Variants in AMACR observed in about 807,000 individuals in gnomAD.
The protein encoded by AMACR is alpha-methylacyl-CoA racemase, also known as 2-methylacyl-CoA racemase.
A neutral mutation model predicts 22.2 loss-of-function variants in AMACR; 18 were observed. That is an observed-to-expected ratio of 0.81 (90% CI 0.56 to 1.20). The LOEUF (loss-of-function observed/expected upper bound fraction) is 1.20, where lower values mean the gene tolerates loss of function less well. Ranked by LOEUF, AMACR falls within the 50% of genes most tolerant of loss-of-function variation. AMACR has a pLI of 0.00. For missense variants in AMACR, 499 were observed against 490.6 expected (o/e 1.02, Z -0.16); for synonymous variants, 213 against 191.3 (o/e 1.11, Z -0.94).
chr5:34,006,600 C>T (rs1018453114), intron 1 of AMACR, among the ~76,000 whole-genome samples: 1 of 152,202 alleles, frequency 6.6e-6, no homozygotes, highest in South Asian at 2.1e-4. Flanking sequence ...ACTCCTCACC[C>T]GGAGGCTATA....
chr5:33,992,851 T>C (rs937471471), intron 4 of AMACR, among the ~76,000 whole-genome samples: 1 of 152,238 alleles, frequency 6.6e-6, no homozygotes, highest in Non-Finnish European at 1.5e-5. Flanking sequence ...TATTGCTTTT[T>C]TTTTTCCTAG....
intron 3 of AMACR, among the ~76,000 whole-genome samples, chr5:34,001,920 T>C (rs1753829410): frequency 6.6e-6 from 1 of 152,218 alleles, no homozygotes; most frequent in Admixed American, 6.5e-5. Context: ...AAACACTTAC[T>C]AGCCCCTAAT....
chr5:34,008,033 G>T lies in AMACR; in HGVS notation c.-14C>A, dbSNP rs774292343. 1 of 1,608,884 alleles carries T rather than the reference G, an allele frequency of 6.2e-7. No individual in the cohort carries two copies. The highest frequency in any genetic ancestry group is 2.2e-5 in the East Asian group (1 of 44,858). On this transcript the variant is annotated 5_prime_UTR_variant, in exon 1 of 5. Transcript: ENST00000335606. ...CTGCAGTGCCATGGCGCTTCCCAGTGCCCCGCTGAAGGAAACTGAGCAGCC... is the reference window on the plus strand; with the variant it reads ...CTGCAGTGCCATGGCGCTTCCCAGTTCCCCGCTGAAGGAAACTGAGCAGCC...
At chr5:33,996,506 C>T (rs779408461) in intron 4 of AMACR, among the ~76,000 whole-genome samples, 21 of 152,212 alleles carry the variant, frequency 1.4e-4, no homozygotes, top group Middle Eastern at 3.4e-3. Flanking sequence ...CATTTAAGGG[C>T]CAGGCGCAGT....
intron 1 of AMACR, 74 bp downstream of exon 1, chr5:34,007,699 A>T (rs1579587237): frequency 6.9e-7 from 1 of 1,458,152 alleles, no homozygotes; most frequent in Non-Finnish European, 9.0e-7. Flanking sequence ...TGGCGGGTGC[A>T]GCCTCGATCG....
chr5:33,996,962 GGAGTT>G, intron 4 of AMACR: 1 of 566,986 alleles, frequency 1.8e-6, no homozygotes, highest in Non-Finnish European at 3.2e-6. Context: ...AGGAGTCCTG[GGAGTT>G]GTCACATTAA....
intron 4 of AMACR, among the ~76,000 whole-genome samples, chr5:33,993,218 C>A (rs1406375498): frequency 6.6e-6 from 1 of 152,170 alleles, no homozygotes; most frequent in Non-Finnish European, 1.5e-5. Flanking sequence ...AGCATAATGT[C>A]TTCAAGATTC....
chr5:33,992,382 T>C (rs1753507957), intron 4 of AMACR, among the ~76,000 whole-genome samples: 1 of 149,580 alleles, frequency 6.7e-6, no homozygotes. Context: ...TATAAATTTA[T>C]ATAATTATAT....
At chr5:34,005,612 C>A in intron 2 of AMACR, 144 bp downstream of exon 2, 1 of 1,009,882 alleles carries the variant, frequency 9.9e-7, no homozygotes, top group African/African-American at 1.6e-5. Flanking sequence ...AGACTCAAAC[C>A]GATCCATTTT....
At chr5:33,994,900 C>T (rs774175845) in intron 4 of AMACR, among the ~76,000 whole-genome samples, 13 of 152,162 alleles carry the variant, frequency 8.5e-5, no homozygotes, top group Non-Finnish European at 1.6e-4. Flanking sequence ...CAGGAAGGCT[C>T]ATTCATTGAG....
At chr5:33,997,012 TACACGTTTA>T in intron 4 of AMACR, 1 of 635,552 alleles carries the variant, frequency 1.6e-6, no homozygotes, top group African/African-American at 1.8e-5. Context: ...TTTTTAATTT[TACACGTTTA>T]TTTTCATTAA....
chr5:34,000,170 C>T (rs1753772793), intron 3 of AMACR, among the ~76,000 whole-genome samples: 1 of 152,180 alleles, frequency 6.6e-6, no homozygotes, highest in African/African-American at 2.4e-5. Flanking sequence ...CTCCTCTCCT[C>T]TTAATTTGTG....
In AMACR at chr5:33,988,140, C is replaced by A; in HGVS notation, c.*953G>T. On this transcript the variant is annotated 3_prime_UTR_variant, in exon 5 of 5. Transcript: ENST00000335606. Reference sequence around the variant, plus strand: ...CCCGGATTAGATTGTGGAATCTACCCCTTCCTCACATGCCTTTAGGAAGTT... The same window carrying A: ...CCCGGATTAGATTGTGGAATCTACCACTTCCTCACATGCCTTTAGGAAGTT... 1.7e-6 allele frequency: 1 copy of A among 584,566 alleles called. No individual in the cohort carries two copies. 36.2% of individuals were successfully genotyped at this position (584,566 alleles called of 1,614,324 possible). A position where few individuals can be genotyped will look rare whatever the true frequency, so the allele number is the denominator to read the frequency against.
In AMACR at chr5:33,989,315, G is replaced by A. The variant is rs1753401417; in HGVS notation, c.927C>T (p.Asn309=). 1 of 1,614,034 alleles carries A rather than the reference G, an allele frequency of 6.2e-7. No homozygotes were observed. Residue 309 remains asparagine (N), a synonymous_variant, in exon 5 of 5, where the codon AAC becomes AAT. Coordinates refer to ENST00000335606, the MANE Select transcript of AMACR (RefSeq NM_014324.6). ...TFEEVVHHDH[N]KERGSFITSE... ...TGGTGATAAACGAGCCCCGTTCCTT[G>A]TTGTGATCATGATGAACAACCTCCT...
At position 33,988,974 on chromosome 5, in the gene AMACR, T is replaced by C; in HGVS notation, c.*119A>G. On this transcript the variant is annotated 3_prime_UTR_variant, in exon 5 of 5. Transcript: ENST00000335606. Reference sequence around the variant, plus strand: ...GAATCAGAGTCTGTAATTCTTTTCTTGATTAGAGTGGTAGGACACTGTAAT... The same window carrying C: ...GAATCAGAGTCTGTAATTCTTTTCTCGATTAGAGTGGTAGGACACTGTAAT... 6.6e-7 allele frequency: 1 copy of C among 1,525,136 alleles called. No homozygotes were observed. The allele number at this position is 1,525,136 out of a possible 1,614,324, so 94.5% of individuals were successfully genotyped here.
At position 33,989,467 on chromosome 5, in the gene AMACR, T is replaced by C. The variant is rs2112033298; in HGVS notation, c.775A>G (p.Met259Val). ...ATTTCTGGCCAATCATCCATGCTCA[T>C]CTGATTGGGAAGTTCATCAGACTTT... ...GLKSDELPNQ[M>V]SMDDWPEMKK... Residue 259 changes from methionine to valine, a missense_variant, in exon 5 of 5, where the codon ATG becomes GTG. Coordinates refer to ENST00000335606, the MANE Select transcript of AMACR (RefSeq NM_014324.6). 6.2e-7 allele frequency: 1 copy of C among 1,614,214 alleles called. No individual in the cohort carries two copies. The highest frequency in any genetic ancestry group is 8.5e-7 in the Non-Finnish European group (1 of 1,180,038).
chr5:34,007,235 G>C (rs2112075933), intron 1 of AMACR, among the ~76,000 whole-genome samples: 1 of 152,342 alleles, frequency 6.6e-6, no homozygotes, highest in Middle Eastern at 3.4e-3. Context: ...GCTCTGAAAG[G>C]GGGAAGTCTA....
chr5:33,998,092 A>T (rs1216120789), intron 4 of AMACR, among the ~76,000 whole-genome samples: 1 of 152,274 alleles, frequency 6.6e-6, no homozygotes, highest in African/African-American at 2.4e-5. Flanking sequence ...TTAGGGAAGA[A>T]GAGATCCCAA....
chr5:33,992,427 G>C (rs1753510293), intron 4 of AMACR, among the ~76,000 whole-genome samples: 1 of 151,532 alleles, frequency 6.6e-6, no homozygotes, highest in Non-Finnish European at 1.5e-5. Context: ...GAAAATAATT[G>C]CTGGGTGTAG....
Sources: gnomAD v4.1 joint callset for allele counts (sites outside exome capture counted in the v4.1 genomes callset) on GRCh38, gnomAD v4.1.1 for gene constraint, MANE v1.5 for transcripts, NCBI Gene and HGNC (gene_info 2026-07-23, HGNC 2026-07-21) for gene names.